Variants in LRRTM4 observed in about 807,000 individuals in gnomAD.
LRRTM4 encodes the protein leucine rich repeat transmembrane neuronal 4.
A neutral mutation model predicts 47.6 loss-of-function variants in LRRTM4; 25 were observed. That is an observed-to-expected ratio of 0.53 (90% CI 0.38 to 0.73). The LOEUF (loss-of-function observed/expected upper bound fraction) is 0.73. LRRTM4 is among the 30% of genes least tolerant of loss of function. The pLI is 0.00. For synonymous variants in LRRTM4, 311 were observed against 269.5 expected (o/e 1.15, Z -1.51); for missense variants, 638 against 713.4 (o/e 0.89, Z 1.20).
At chr2:76,855,917 A>G (rs2103989561) in intron 3 of LRRTM4, among the ~76,000 whole-genome samples, 1 of 152,286 alleles carries the variant, frequency 6.6e-6, no homozygotes, top group South Asian at 2.1e-4. Context: ...TAAAATGGGG[A>G]ATTAAAATAA....
intron 3 of LRRTM4, among the ~76,000 whole-genome samples, chr2:76,864,921 G>C (rs1293583069): frequency 2.0e-5 from 3 of 146,438 alleles, no homozygotes; most frequent in African/African-American, 7.6e-5. Context: ...TTTTTTTATA[G>C]AGACAGGGTA....
chr2:77,435,740 G>C (rs1395560212), intron 3 of LRRTM4, among the ~76,000 whole-genome samples: 1 of 152,150 alleles, frequency 6.6e-6, no homozygotes, highest in Non-Finnish European at 1.5e-5. Context: ...GATGTTAATA[G>C]TGGCAAGGCT....
chr2:77,097,615 C>A (rs1670845480), intron 3 of LRRTM4, among the ~76,000 whole-genome samples: 1 of 151,870 alleles, frequency 6.6e-6, no homozygotes, highest in Non-Finnish European at 1.5e-5. Flanking sequence ...AAAGAGAAGT[C>A]ATATTGGAAA....
chr2:77,278,411 C>A (rs1245532969), intron 3 of LRRTM4, among the ~76,000 whole-genome samples: 1 of 151,934 alleles, frequency 6.6e-6, no homozygotes, highest in African/African-American at 2.4e-5. Context: ...TAAAAATTCA[C>A]CATACTTATG....
At chr2:77,500,446 C>CA (rs35997628) in intron 3 of LRRTM4, among the ~76,000 whole-genome samples, 25 of 148,642 alleles carry the variant, frequency 1.7e-4, no homozygotes, top group Middle Eastern at 3.6e-3. Context: ...ACCATACAAA[C>CA]AAAAAAAAAT....
chr2:77,098,496 T>A lies in LRRTM4; in HGVS notation c.1552-349580A>T, dbSNP rs1035535378. Among the ~76,000 whole-genome samples the A allele has an allele frequency of 2.0e-5, 3 of 151,978 alleles. No homozygotes were observed. In the South Asian group the frequency reaches 6.2e-4, roughly 31 times the overall value. ...ATCTACCTCCTACTAGAGACAAAAT[T>A]TATAGTTGTAGTTAAAAACCTAAAT... On this transcript the variant is annotated intron_variant, in intron 3 of 3. Coordinates refer to ENST00000409884, the MANE Select transcript of LRRTM4 (RefSeq NM_001134745.3).
rs548228614 is a variant in LRRTM4 at position 76,893,940 on chromosome 2, C to T, written c.1552-145024G>A. Among the ~76,000 whole-genome samples, 113 of 151,966 alleles carry T rather than the reference C, an allele frequency of 7.4e-4. 3 individuals carry two copies. The South Asian group carries it at 0.022, about 29-fold the overall frequency. ...TTTTCATAGCATACAAGTTTTTCCTCACAAACATAAGCAGATATATCACAT... is the reference window on the plus strand; with the variant it reads ...TTTTCATAGCATACAAGTTTTTCCTTACAAACATAAGCAGATATATCACAT... On this transcript the variant is annotated intron_variant, in intron 3 of 3. Coordinates refer to ENST00000409884, the MANE Select transcript of LRRTM4 (RefSeq NM_001134745.3).
intron 3 of LRRTM4, among the ~76,000 whole-genome samples, chr2:76,936,004 GT>G (rs1175646439): frequency 6.6e-6 from 1 of 152,158 alleles, no homozygotes; most frequent in Non-Finnish European, 1.5e-5. Flanking sequence ...GTGTAAATTA[GT>G]TCAACCATTG....
intron 3 of LRRTM4, among the ~76,000 whole-genome samples, chr2:77,066,977 AG>A (rs1172308483): frequency 1.3e-5 from 2 of 152,198 alleles, no homozygotes; most frequent in East Asian, 3.9e-4. Flanking sequence ...CCATGGGGGA[AG>A]TGCCAAACTC....
intron 3 of LRRTM4, among the ~76,000 whole-genome samples, chr2:76,818,579 T>C (rs1407408290): frequency 6.6e-6 from 1 of 151,814 alleles, no homozygotes; most frequent in Non-Finnish European, 1.5e-5. Context: ...AGAATACTGA[T>C]GCTTTGCAAA....
At chr2:77,035,173 A>T (rs1171926282) in intron 3 of LRRTM4, among the ~76,000 whole-genome samples, 1 of 151,632 alleles carries the variant, frequency 6.6e-6, no homozygotes, top group Non-Finnish European at 1.5e-5. Context: ...TTAACTCGTC[A>T]TTTACATTAG....
intron 3 of LRRTM4, chr2:76,987,277 T>C (rs1187107153): frequency 6.6e-6 from 1 of 151,878 alleles, no homozygotes; most frequent in Non-Finnish European, 1.5e-5. Flanking sequence ...GCAAGGAAAG[T>C]ACCCAAACTT....
intron 3 of LRRTM4, among the ~76,000 whole-genome samples, chr2:77,111,405 G>A (rs924024947): frequency 2.0e-5 from 3 of 151,186 alleles, no homozygotes; most frequent in African/African-American, 7.3e-5. Context: ...GGTGTTACAA[G>A]TATGAGCCAC....
chr2:77,266,875 C>A (rs1333359613), intron 3 of LRRTM4, among the ~76,000 whole-genome samples: 34 of 152,062 alleles, frequency 2.2e-4, no homozygotes, highest in Non-Finnish European at 2.9e-5. Flanking sequence ...TTCTCACAAC[C>A]TGCTCCTGAA....
At chr2:76,966,971 AAT>A (rs1676046981) in intron 3 of LRRTM4, among the ~76,000 whole-genome samples, 1 of 151,438 alleles carries the variant, frequency 6.6e-6, no homozygotes. Context: ...TTTCTTGTAT[AAT>A]AGTATTACTA....
chr2:77,423,121 A>T (rs1415222303), intron 3 of LRRTM4, among the ~76,000 whole-genome samples: 3 of 152,122 alleles, frequency 2.0e-5, no homozygotes. Flanking sequence ...TCATTTTAAG[A>T]GTTGCTTTAT....
chr2:77,038,272 G>A (rs1678902631), intron 3 of LRRTM4, among the ~76,000 whole-genome samples: 1 of 151,494 alleles, frequency 6.6e-6, no homozygotes, highest in African/African-American at 2.4e-5. Flanking sequence ...TAAAAATTCA[G>A]CATTTGAAAT....
At chr2:76,760,854 C>A (rs907277160) in intron 3 of LRRTM4, among the ~76,000 whole-genome samples, 4 of 152,188 alleles carry the variant, frequency 2.6e-5, no homozygotes, top group Admixed American at 6.5e-5. Context: ...ACAACCCCTG[C>A]CACCCCGATT....
chr2:77,016,092 A>G (rs555161739), intron 3 of LRRTM4, among the ~76,000 whole-genome samples: 41 of 152,118 alleles, frequency 2.7e-4, no homozygotes, highest in African/African-American at 8.7e-4. Flanking sequence ...AAAACAAAAT[A>G]TAAACAAACA....
Sources: gnomAD v4.1 joint callset for allele counts (sites outside exome capture counted in the v4.1 genomes callset) on GRCh38, gnomAD v4.1.1 for gene constraint, MANE v1.5 for transcripts, NCBI Gene and HGNC (gene_info 2026-07-23, HGNC 2026-07-21) for gene names.